Variants in OLAH observed in about 807,000 individuals in gnomAD.
The protein encoded by OLAH is oleoyl-ACP hydrolase, also known as S-acyl fatty acid synthase thioesterase, medium chain.
OLAH carries 33 observed loss-of-function variants against 27.8 expected under a neutral mutation model. The observed-to-expected ratio is 1.19, with a 90% CI of 0.90 to 1.59. The LOEUF (loss-of-function observed/expected upper bound fraction) is 1.59. OLAH is among the 40% of genes most tolerant of loss of function. The pLI, the probability that OLAH is intolerant of heterozygous loss-of-function variation, is 0.00. For synonymous variants in OLAH, 120 were observed against 102.9 expected (o/e 1.17, Z -1.01); for missense variants, 359 against 310.8 (o/e 1.16, Z -1.17).
At chr10:15,071,774 C>A in intron 6 of OLAH, 21 bp from the exon 7 acceptor site, 1 of 1,579,126 alleles carries the variant, frequency 6.3e-7, no homozygotes, top group Non-Finnish European at 8.7e-7. Context: ...CAATTACTAA[C>A]CAGCTCTTTT....
chr10:15,047,318 C>G lies in OLAH; in HGVS notation c.30C>G (p.Thr10=). The G allele has an allele frequency of 6.2e-7, 1 of 1,613,576 alleles. No homozygotes were observed. Among genetic ancestry groups the G allele is most frequent in the Non-Finnish European group, 8.5e-7 (1 of 1,179,808 alleles). The change falls in exon 2 of 8, where the codon ACC becomes ACG. Residue 10 remains threonine (T), a splice_region_variant and synonymous_variant. Coordinates refer to ENST00000378228, the MANE Select transcript of OLAH (RefSeq NM_001039702.3). The stretch of plus-strand genomic sequence containing the variant: ...AGAGAGGAGACCAACCTAAGAGAAC[C>G]AGGCAGGCCACCCCTTGTGCCACCA... MERGDQPKR[T]RNENIFNCLY...
chr10:15,051,650 TA>T (rs1353632937), intron 3 of OLAH, among the ~76,000 whole-genome samples: 2 of 152,018 alleles, frequency 1.3e-5, no homozygotes, highest in Non-Finnish European at 2.9e-5. Flanking sequence ...CCTTCTCCTC[TA>T]AAAAAACGGT....
At chr10:15,032,340 C>T (rs116780693) in exon 1 of OLAH, 4,401 of 151,760 alleles carry the variant, frequency 0.029, 84 homozygotes, top group South Asian at 0.041. Context: ...TGAGACCTCA[C>T]GTTGTCATAT....
chr10:15,035,183 G>A (rs1246478708), intron 1 of OLAH, among the ~76,000 whole-genome samples: 1 of 152,198 alleles, frequency 6.6e-6, no homozygotes, highest in African/African-American at 2.4e-5. Flanking sequence ...TAGGAGCATA[G>A]AGAAGCAAAG....
At chr10:15,045,514 G>A (rs1015911897) in intron 1 of OLAH, among the ~76,000 whole-genome samples, 1 of 152,158 alleles carries the variant, frequency 6.6e-6, no homozygotes, top group African/African-American at 2.4e-5. Flanking sequence ...TTTTCTGAGA[G>A]TTGATGGTGG....
intron 3 of OLAH, among the ~76,000 whole-genome samples, chr10:15,060,840 G>T (rs867853776): frequency 2.7e-4 from 41 of 152,260 alleles, no homozygotes; most frequent in African/African-American, 8.7e-4. Context: ...GACATTGTGA[G>T]TTTTACATTG....
In OLAH at chr10:15,071,868, G is replaced by A. The variant is rs2131383451; in HGVS notation, c.646G>A (p.Asp216Asn). The A allele has an allele frequency of 6.2e-7, 1 of 1,609,114 alleles. No individual in the cohort carries two copies. Among genetic ancestry groups the A allele is most frequent in the African/African-American group, 1.3e-5 (1 of 74,952 alleles). ...TGTTGGATCTGAAGACATAGCAAAGGACATGGAAGGTGAAATTATTTTTAG... is the reference window on the plus strand; with the variant it reads ...TGTTGGATCTGAAGACATAGCAAAGAACATGGAAGGTGAAATTATTTTTAG... ...CFVGSEDIAK[D>N]MEAWKDVTSG... Residue 216 changes from aspartate (D) to asparagine (N), a missense_variant, in exon 7 of 8, where the codon GAC (aspartate) becomes AAC (asparagine). By Grantham distance (23) the Asp-to-Asn change is conservative. Coordinates refer to ENST00000378228, the MANE Select transcript of OLAH (RefSeq NM_001039702.3).
chr10:15,064,758 A>G (rs1844434439), intron 5 of OLAH, among the ~76,000 whole-genome samples: 1 of 152,188 alleles, frequency 6.6e-6, no homozygotes, highest in Admixed American at 6.5e-5. Flanking sequence ...ACTGGGTTCA[A>G]GAGATTCTCC....
At chr10:15,044,604 C>G (rs1355989888) in intron 1 of OLAH, among the ~76,000 whole-genome samples, 1 of 151,894 alleles carries the variant, frequency 6.6e-6, no homozygotes, top group African/African-American at 2.4e-5. Context: ...CAAAGTATAT[C>G]CTTTAACGTT....
upstream of OLAH, among the ~76,000 whole-genome samples, chr10:15,039,608 G>A (rs770592275): frequency 2.0e-5 from 3 of 152,084 alleles, no homozygotes; most frequent in Admixed American, 6.6e-5. Flanking sequence ...ATTTGTAGGC[G>A]ACTTTTGAGA....
chr10:15,065,612 A>T lies in OLAH; in HGVS notation c.431A>T (p.Asp144Val), dbSNP rs1844451718. 2 of 1,612,190 alleles carry T rather than the reference A, an allele frequency of 1.2e-6. No homozygotes were observed. The highest frequency in any genetic ancestry group is 2.7e-5 in the African/African-American group (2 of 74,796). ...HSKAWHRIPK[D>V]DELSEEQISH... ...AAGGCCTGGCATCGCATTCCCAAAG[A>T]TGATGAATTGTCAGAAGAACAAATA... The change falls in exon 6 of 8, where the codon GAT becomes GTT. Residue 144 changes from aspartate (D) to valine (V), a missense_variant. By Grantham distance (152) the Asp-to-Val change is radical. Coordinates refer to ENST00000378228, the MANE Select transcript of OLAH (RefSeq NM_001039702.3).
At chr10:15,058,291 C>G (rs1488062328) in intron 3 of OLAH, among the ~76,000 whole-genome samples, 1 of 152,042 alleles carries the variant, frequency 6.6e-6, no homozygotes, top group Non-Finnish European at 1.5e-5. Context: ...TGGGGTCTCC[C>G]TATGTTGCCT....
chr10:15,062,885 C>T (rs779013937), intron 4 of OLAH, among the ~76,000 whole-genome samples: 2 of 151,902 alleles, frequency 1.3e-5, no homozygotes, highest in Non-Finnish European at 2.9e-5. Flanking sequence ...ATTACAGGCA[C>T]ACACGACCAT....
At chr10:15,061,187 C>A (rs993182818) in intron 3 of OLAH, among the ~76,000 whole-genome samples, 4 of 152,084 alleles carry the variant, frequency 2.6e-5, no homozygotes, top group African/African-American at 4.8e-5. Flanking sequence ...GACTTTTTCC[C>A]CCATCCAGAG....
At chr10:15,065,489 G>T in intron 5 of OLAH, 95 bp from the exon 6 acceptor site, 4 of 1,342,718 alleles carry the variant, frequency 3.0e-6, no homozygotes, top group Non-Finnish European at 4.0e-6. Flanking sequence ...CCCAGCCTTG[G>T]TTTAATGACT....
chr10:15,063,215 CT>C (rs1408683498), intron 4 of OLAH, among the ~76,000 whole-genome samples: 1 of 152,168 alleles, frequency 6.6e-6, no homozygotes, highest in African/African-American at 2.4e-5. Context: ...CAACCTCTGT[CT>C]GCCAGGCTCA....
At chr10:15,050,035 C>T (rs888457667) in intron 3 of OLAH, among the ~76,000 whole-genome samples, 3 of 152,198 alleles carry the variant, frequency 2.0e-5, no homozygotes, top group African/African-American at 7.2e-5. Flanking sequence ...TGAACTGAAT[C>T]TACCATCTTG....
At chr10:15,066,605 TTTTATTTATTTATTTATTTA>T (rs150391579) in intron 6 of OLAH, among the ~76,000 whole-genome samples, 3,908 of 144,934 alleles carry the variant, frequency 0.027, 171 homozygotes, top group African/African-American at 0.092. Flanking sequence ...CCTATTTTTA[TTTTATTTATTTATTTATTTA>T]TTTATTTATT....
At chr10:15,037,570 G>C (rs897218149) in intron 1 of OLAH, among the ~76,000 whole-genome samples, 4 of 97,054 alleles carry the variant, frequency 4.1e-5, no homozygotes, top group Admixed American at 3.9e-4. Context: ...GACAGAGCGA[G>C]ACTCCGTATC....
Sources: gnomAD v4.1 joint callset for allele counts (sites outside exome capture counted in the v4.1 genomes callset) on GRCh38, gnomAD v4.1.1 for gene constraint, MANE v1.5 for transcripts, NCBI Gene and HGNC (gene_info 2026-07-23, HGNC 2026-07-21) for gene names.